RREB1: variants seen among roughly 807,000 people sequenced by gnomAD.
RREB1 encodes the protein ras responsive element binding protein 1.
Under a neutral mutation model 117.8 loss-of-function variants are expected in RREB1, and 27 were observed. That is an observed-to-expected ratio of 0.23 (90% CI 0.17 to 0.32). The LOEUF (loss-of-function observed/expected upper bound fraction) is 0.32, where lower values mean the gene tolerates loss of function less well. Ranked by LOEUF, RREB1 falls within the 10% of genes least tolerant of loss-of-function variation. The pLI is 1.00. For synonymous variants in RREB1, 1,298 were observed against 1,026.7 expected (o/e 1.26, Z -5.05); for missense variants, 2,577 against 2,378.2 (o/e 1.08, Z -1.74).
chr6:7,228,931 C>A (rs983568373), intron 9 of RREB1, 66 bp from the exon 10 acceptor site: 5 of 1,375,376 alleles, frequency 3.6e-6, no homozygotes, highest in Non-Finnish European at 4.8e-6. Flanking sequence ...TGTGCATCTC[C>A]GTTTAGTGAT....
In RREB1 at chr6:7,182,122, A is replaced by G. The variant is rs768742079; in HGVS notation, c.171+40A>G. 11 of 1,543,050 alleles carry G rather than the reference A, an allele frequency of 7.1e-6. No individual in the cohort carries two copies. The Admixed American group carries it at 1.6e-4, about 22-fold the overall frequency. On this transcript the variant is annotated intron_variant, in intron 4 of 12. Transcript: ENST00000379938. Reference sequence around the variant, plus strand: ...CTAGTGGTGACCTCTGGTGGGTTCAATCCATGAGAACATTGGGAGATGTTT... The same window carrying G: ...CTAGTGGTGACCTCTGGTGGGTTCAGTCCATGAGAACATTGGGAGATGTTT...
chr6:7,201,596 T>G (rs1765991295), intron 6 of RREB1, among the ~76,000 whole-genome samples: 1 of 143,220 alleles, frequency 7.0e-6, no homozygotes, highest in African/African-American at 2.6e-5. Context: ...CATCTCACCT[T>G]TGGCATGTCT....
rs1386744340 is a variant in RREB1, at chr6:7,246,453, G to A, written c.4003G>A (p.Ala1335Thr). Residue 1335 changes from alanine (A) to threonine (T), a missense_variant, in exon 12 of 13, where the codon GCC becomes ACC. By Grantham distance (58) the Ala-to-Thr change is moderately conservative. Coordinates refer to ENST00000379938, the MANE Select transcript of RREB1 (RefSeq NM_001003699.4). ...DSQSDAETAA[A>T]AGEVLDLTSR... ...TCAGTCGGATGCGGAGACTGCAGCC[G>A]CCGCGGGCGAAGTGCTAGACCTCAC... 6 of 1,505,752 alleles carry A rather than the reference G, an allele frequency of 4.0e-6. No individual in the cohort carries two copies. Among genetic ancestry groups the A allele is most frequent in the South Asian group, 1.3e-5 (1 of 79,386 alleles). 93.3% of individuals were successfully genotyped at this position (1,505,752 alleles called of 1,614,324 possible). A position where few individuals can be genotyped will look rare whatever the true frequency, so the allele number is the denominator to read the frequency against.
At chr6:7,235,774 G>T (rs555902399) in intron 10 of RREB1, among the ~76,000 whole-genome samples, 14 of 152,158 alleles carry the variant, frequency 9.2e-5, no homozygotes, top group African/African-American at 3.1e-4. Context: ...CTCAAAACAC[G>T]TGTTCTCCAG....
At chr6:7,144,167 T>C (rs1308885076) in intron 1 of RREB1, among the ~76,000 whole-genome samples, 1 of 152,148 alleles carries the variant, frequency 6.6e-6, no homozygotes, top group Non-Finnish European at 1.5e-5. Flanking sequence ...TTATATTTTT[T>C]CTTTTTGAGC....
At chr6:7,238,474 T>C (rs1397299932) in intron 10 of RREB1, among the ~76,000 whole-genome samples, 1 of 152,204 alleles carries the variant, frequency 6.6e-6, no homozygotes, top group East Asian at 1.9e-4. Context: ...TGGCCTCAAG[T>C]GATCTGCTCA....
intron 1 of RREB1, among the ~76,000 whole-genome samples, chr6:7,144,352 T>C (rs983047131): frequency 1.3e-5 from 2 of 152,212 alleles, no homozygotes; most frequent in African/African-American, 2.4e-5. Flanking sequence ...TTGTCAACTA[T>C]ATTATAATGT....
chr6:7,241,365 C>T (rs560832405), intron 11 of RREB1, among the ~76,000 whole-genome samples: 51 of 152,272 alleles, frequency 3.3e-4, no homozygotes, highest in Non-Finnish European at 6.0e-4. Flanking sequence ...GCAAACAAAA[C>T]GAAAGCCAGC....
chr6:7,240,715 T>A, intron 11 of RREB1, 113 bp downstream of exon 11: 1 of 933,698 alleles, frequency 1.1e-6, no homozygotes, highest in Non-Finnish European at 1.6e-6. Flanking sequence ...CACTTCTCTG[T>A]AGGATTCAGA....
At chr6:7,150,455 ATTTTAATTAG>A (rs762283732) in intron 1 of RREB1, among the ~76,000 whole-genome samples, 12 of 152,174 alleles carry the variant, frequency 7.9e-5, no homozygotes. Flanking sequence ...TCCCTTTGAA[ATTTTAATTAG>A]TTTTGAAATT....
At chr6:7,141,236 G>T (rs891454842) in intron 1 of RREB1, among the ~76,000 whole-genome samples, 5 of 152,010 alleles carry the variant, frequency 3.3e-5, no homozygotes, top group African/African-American at 9.7e-5. Context: ...GGCGGGGGCC[G>T]GGCGGGGCGG....
Position 7,210,942 on chromosome 6 carries a change from T to G in RREB1, c.564T>G (p.Ala188=), listed in dbSNP as rs1055698983. 1.9e-6 allele frequency: 3 copies of G among 1,613,346 alleles called. No individual in the cohort carries two copies. Among genetic ancestry groups the G allele is most frequent in the East Asian group, 4.5e-5 (2 of 44,884 alleles). Residue 188 remains alanine, a synonymous_variant, in exon 7 of 13, where the codon GCT becomes GCG. Transcript: ENST00000379938. ...CAGAGAGAGAAGACCCAGCACCAGC[T>G]AAAAAGGTCCTCTTGGCTCCCAGTG... ...AESEREDPAP[A]KKMVEDGQSG...
At position 7,251,378 on chromosome 6, in the gene RREB1, T is replaced by C. The variant is rs1769400470; in HGVS notation, c.*2410T>C. 6.6e-6 allele frequency: 1 copy of C among 152,160 alleles called. No individual in the cohort carries two copies. Among genetic ancestry groups the C allele is most frequent in the Admixed American group, 6.5e-5 (1 of 15,280 alleles). The allele number at this position is 152,160 out of a possible 1,614,324, so 9.4% of individuals were successfully genotyped here. A position where few individuals can be genotyped will look rare whatever the true frequency, so the allele number is the denominator to read the frequency against. The stretch of plus-strand genomic sequence containing the variant: ...TAGCTTAGTTTGCATGTCCAGCTAA[T>C]TTGTTTCTATACATTTTGTTTGATT... On this transcript the variant is annotated 3_prime_UTR_variant, in exon 13 of 13. Transcript: ENST00000379938.
chr6:7,202,891 A>G (rs545745041), intron 6 of RREB1, among the ~76,000 whole-genome samples: 130 of 152,310 alleles, frequency 8.5e-4, no homozygotes, highest in African/African-American at 3.0e-3. Context: ...CAATTCATCC[A>G]ACTTCTGAGG....
rs780527620 is a variant in RREB1 at position 7,230,720 on chromosome 6, C to T, written c.2621C>T (p.Pro874Leu). The change falls in exon 10 of 13, where the codon CCC becomes CTC. Residue 874 changes from proline to leucine, a missense_variant. Transcript: ENST00000379938. ...EPQNGFLHRG[P>L]TQPPPPHVSI... ...CAGAACGGCTTTCTTCACAGGGGCC[C>T]CACCCAGCCTCCACCTCCCCATGTC... 1.3e-6 allele frequency: 2 copies of T among 1,598,348 alleles called. No individual in the cohort carries two copies. The highest frequency in any genetic ancestry group is 2.2e-5 in the East Asian group (1 of 44,710).
At chr6:7,246,154 C>T (rs1769003383) in intron 11 of RREB1, among the ~76,000 whole-genome samples, 1 of 152,200 alleles carries the variant, frequency 6.6e-6, no homozygotes, top group South Asian at 2.1e-4. Context: ...GGGGCGGGGG[C>T]AGTGGAAGCC....
intron 1 of RREB1, among the ~76,000 whole-genome samples, chr6:7,121,618 GAGA>G (rs1761683160): frequency 6.6e-6 from 1 of 152,100 alleles, no homozygotes; most frequent in Admixed American, 6.6e-5. Context: ...GGTGCCAAAG[GAGA>G]AGATTTATTT....
rs1214068533 is a variant in RREB1 at position 7,137,972 on chromosome 6, C to T, written c.-285+29912C>T. On this transcript the variant is annotated intron_variant, in intron 1 of 12. Transcript: ENST00000379938. Reference sequence around the variant, plus strand: ...TGTTTAGCTCCTTTTCAATAGCCCTCCTCACTCACTTACGCCTAGTCAGGA... The same window carrying T: ...TGTTTAGCTCCTTTTCAATAGCCCTTCTCACTCACTTACGCCTAGTCAGGA... Among the ~76,000 whole-genome samples the T allele has an allele frequency of 2.0e-5, 3 of 152,276 alleles. No homozygotes were observed. The East Asian group carries it at 5.8e-4, about 29-fold the overall frequency.
chr6:7,177,727 CT>C (rs2113519486), intron 2 of RREB1, among the ~76,000 whole-genome samples: 1 of 151,796 alleles, frequency 6.6e-6, no homozygotes, highest in Non-Finnish European at 1.5e-5. Flanking sequence ...CTTTTTCTGT[CT>C]TTCTTGTCTT....
Sources: gnomAD v4.1 joint callset for allele counts (sites outside exome capture counted in the v4.1 genomes callset) on GRCh38, gnomAD v4.1.1 for gene constraint, MANE v1.5 for transcripts, NCBI Gene and HGNC (gene_info 2026-07-23, HGNC 2026-07-21) for gene names.